The following CSMD2 variants were observed in gnomAD, a reference collection of about 807,000 sequenced individuals.
CSMD2 encodes CUB and sushi domain-containing protein 2.
A neutral mutation model predicts 398.5 loss-of-function variants in CSMD2; 130 were observed. The ratio of observed to expected loss-of-function variants is 0.33; its 90% CI spans 0.28 to 0.38. The LOEUF (loss-of-function observed/expected upper bound fraction) is 0.38. Among genes scored for constraint, CSMD2 ranks in the 10% least tolerant of loss-of-function variants. CSMD2 has a pLI of 1.00. For missense variants in CSMD2, 3,829 were observed against 4,764.9 expected (o/e 0.80, Z 5.78); for synonymous variants, 1,828 against 1,908.5 (o/e 0.96, Z 1.10).
At chr1:33,524,220 C>T (rs190531483) in intron 66 of CSMD2, among the ~76,000 whole-genome samples, 2 of 152,170 alleles carry the variant, frequency 1.3e-5, no homozygotes, top group African/African-American at 4.8e-5. Flanking sequence ...TTAAAATATC[C>T]ATTTCTCTAT....
chr1:34,148,385 C>T (rs771138), intron 1 of CSMD2, among the ~76,000 whole-genome samples: 54,467 of 152,070 alleles, frequency 0.36, 11,195 homozygotes, highest in East Asian at 0.6. Flanking sequence ...AAAAATCTGC[C>T]GTAATTTGGT....
intron 2 of CSMD2, among the ~76,000 whole-genome samples, chr1:34,040,408 C>CCTTTTCTTTT (rs139988848): frequency 6.6e-6 from 1 of 152,044 alleles, no homozygotes; most frequent in Admixed American, 6.6e-5. Context: ...GACTGACATC[C>CCTTTTCTTTT]CTTTTCTTTT....
At chr1:33,809,809 T>C (rs1169242893) in intron 10 of CSMD2, among the ~76,000 whole-genome samples, 1 of 152,092 alleles carries the variant, frequency 6.6e-6, no homozygotes. Flanking sequence ...TTTTACAAGA[T>C]AGTTGCTAAT....
intron 1 of CSMD2, among the ~76,000 whole-genome samples, chr1:34,093,508 G>GA (rs1158724137): frequency 6.6e-6 from 1 of 151,918 alleles, no homozygotes; most frequent in Non-Finnish European, 1.5e-5. Context: ...TGAAAACTTT[G>GA]AAAAAAATTT....
Position 33,960,692 on chromosome 1 carries a change from A to AC in CSMD2, c.518-24739dup, listed in dbSNP as rs1645328005. Among the ~76,000 whole-genome samples, 3 of 152,314 alleles carry AC rather than the reference A, an allele frequency of 2.0e-5. No individual in the cohort carries two copies. In the South Asian group the frequency reaches 6.2e-4, roughly 32 times the overall value. On this transcript the variant is annotated intron_variant, in intron 3 of 70. Transcript: ENST00000373381. ...TGGAAACAGAGACTCTCATTTGCCAACCTTTCTGAGCTCAGGAATCAGACG... is the reference window on the plus strand; with the variant it reads ...TGGAAACAGAGACTCTCATTTGCCAACCCTTTCTGAGCTCAGGAATCAGACG...
At chr1:34,146,067 G>A (rs1639736928) in intron 1 of CSMD2, among the ~76,000 whole-genome samples, 1 of 152,134 alleles carries the variant, frequency 6.6e-6, no homozygotes, top group African/African-American at 2.4e-5. Flanking sequence ...ATTTGTGTTT[G>A]TTTAGAGTCA....
At chr1:33,920,328 A>T (rs1176521138) in intron 4 of CSMD2, among the ~76,000 whole-genome samples, 1 of 151,408 alleles carries the variant, frequency 6.6e-6, no homozygotes, top group Non-Finnish European at 1.5e-5. Flanking sequence ...CAGGAGTTCA[A>T]TACCAGCTTG....
chr1:34,154,046 T>C (rs4652989), intron 1 of CSMD2, among the ~76,000 whole-genome samples: 52,205 of 152,082 alleles, frequency 0.34, 10,248 homozygotes, highest in Non-Finnish European at 0.44. Flanking sequence ...ACCGGAAGAT[T>C]TCTAAGGCAA....
intron 2 of CSMD2, among the ~76,000 whole-genome samples, chr1:34,087,827 T>C (rs139736686): frequency 1.3e-5 from 2 of 152,170 alleles, no homozygotes; most frequent in Non-Finnish European, 2.9e-5. Flanking sequence ...TGTCAAGACA[T>C]AATAGGTACC....
chr1:33,617,361 C>G (rs1641461177), intron 38 of CSMD2, 138 bp downstream of exon 38: 3 of 669,448 alleles, frequency 4.5e-6, no homozygotes, highest in Non-Finnish European at 8.0e-6. Flanking sequence ...ATGAACAGCT[C>G]CAGGAGAGGA....
chr1:34,151,544 T>C (rs578091572), intron 1 of CSMD2, among the ~76,000 whole-genome samples: 6 of 151,600 alleles, frequency 4.0e-5, no homozygotes, highest in Admixed American at 1.3e-4. Context: ...TCTTGGGAAG[T>C]AGCAGGACTA....
At chr1:33,725,558 G>T (rs1467476829) in intron 16 of CSMD2, 22 bp from the exon 17 acceptor site, 7 of 1,610,800 alleles carry the variant, frequency 4.3e-6, no homozygotes, top group African/African-American at 2.7e-5. Flanking sequence ...CAGAAATGAA[G>T]CCTTCTTGAG....
At chr1:33,814,437 A>G (rs1033323116) in intron 9 of CSMD2, among the ~76,000 whole-genome samples, 2 of 151,628 alleles carry the variant, frequency 1.3e-5, no homozygotes, top group Non-Finnish European at 3.0e-5. Flanking sequence ...AGACTTTTTC[A>G]CATGTTCTAG....
chr1:33,976,281 G>A (rs541901130), intron 3 of CSMD2, among the ~76,000 whole-genome samples: 1 of 152,334 alleles, frequency 6.6e-6, no homozygotes, highest in African/African-American at 2.4e-5. Context: ...GATGATTGAG[G>A]ACTTGGTAAA....
chr1:33,865,877 T>C (rs1558025611), intron 5 of CSMD2, among the ~76,000 whole-genome samples: 1 of 152,208 alleles, frequency 6.6e-6, no homozygotes, highest in African/African-American at 2.4e-5. Context: ...ACTAGATTTT[T>C]CAGGCAAGAA....
In CSMD2 at chr1:34,116,125, G is replaced by A. The variant is rs140232652; in HGVS notation, c.188-26932C>T. ...ATCAGTAATTACTTTCGATGTAAAT[G>A]GATTAAACTCAGCAATCAAAAGACA... On this transcript the variant is annotated intron_variant, in intron 1 of 70. Coordinates refer to ENST00000373381, the MANE Select transcript of CSMD2 (RefSeq NM_001281956.2). 7.3e-3 allele frequency among the ~76,000 whole-genome samples: 1,103 copies of A among 151,998 alleles called. 13 individuals are homozygous for A. Among genetic ancestry groups the A allele is most frequent in the African/African-American group, 0.024 (1,000 of 41,512 alleles).
chr1:34,120,584 G>T (rs980002060), intron 1 of CSMD2, among the ~76,000 whole-genome samples: 1 of 152,138 alleles, frequency 6.6e-6, no homozygotes, highest in Non-Finnish European at 1.5e-5. Context: ...TGCTCTTGTT[G>T]CCCAGGCTGG....
At chr1:33,648,800 C>T (rs941500633) in intron 28 of CSMD2, among the ~76,000 whole-genome samples, 1 of 152,174 alleles carries the variant, frequency 6.6e-6, no homozygotes, top group Non-Finnish European at 1.5e-5. Context: ...AATCATTAGG[C>T]ATCCACTTTA....
intron 6 of CSMD2, among the ~76,000 whole-genome samples, chr1:33,844,005 G>T (rs1370898964): frequency 3.3e-5 from 5 of 152,150 alleles, no homozygotes; most frequent in Non-Finnish European, 5.9e-5. Context: ...TCTCTTGCGG[G>T]CTCCTTTGAC....
Sources: allele counts gnomAD v4.1 joint callset (sites outside exome capture counted in the v4.1 genomes callset), GRCh38; gene constraint gnomAD v4.1.1; transcripts MANE v1.5; gene names NCBI Gene and HGNC (gene_info 2026-07-23, HGNC 2026-07-21).